Variants in CSMD1 observed in about 807,000 individuals in gnomAD.
CSMD1 encodes the protein CUB and Sushi multiple domains 1, also known as CUB and sushi domain-containing protein 1.
A neutral mutation model predicts 417.5 loss-of-function variants in CSMD1; 213 were observed. The observed-to-expected ratio is 0.51, with a 90% CI of 0.46 to 0.57. The LOEUF (loss-of-function observed/expected upper bound fraction) is 0.57, where lower values mean the gene tolerates loss of function less well. Among genes scored for constraint, CSMD1 ranks in the 20% least tolerant of loss-of-function variants. The pLI is 0.00. For synonymous variants in CSMD1, 2,862 were observed against 1,736.8 expected (o/e 1.65, Z -16.11); for missense variants, 6,923 against 4,529.7 (o/e 1.53, Z -15.17).
intron 37 of CSMD1, among the ~76,000 whole-genome samples, chr8:3,172,345 G>GT (rs201732475): frequency 1.3e-5 from 2 of 152,050 alleles, no homozygotes; most frequent in East Asian, 1.9e-4. Flanking sequence ...TTTCCTAAGT[G>GT]TTTTTATGGC....
At chr8:4,006,866 T>C (rs898590156) in intron 4 of CSMD1, among the ~76,000 whole-genome samples, 37 of 146,162 alleles carry the variant, frequency 2.5e-4, no homozygotes, top group African/African-American at 9.4e-4. Context: ...CTCACTCTGT[T>C]GCCCAGGCTG....
At chr8:4,157,480 C>T (rs563334035) in intron 3 of CSMD1, among the ~76,000 whole-genome samples, 1 of 152,274 alleles carries the variant, frequency 6.6e-6, no homozygotes, top group East Asian at 1.9e-4. Flanking sequence ...TTCCTTCCTT[C>T]CTTCTGACTA....
chr8:4,414,326 C>A (rs908064333), intron 3 of CSMD1, among the ~76,000 whole-genome samples: 5 of 152,110 alleles, frequency 3.3e-5, no homozygotes, highest in African/African-American at 1.2e-4. Flanking sequence ...TTCCTGAAAC[C>A]CGAAGAAAAG....
chr8:4,423,229 G>T (rs549320741), intron 2 of CSMD1, among the ~76,000 whole-genome samples: 2 of 151,958 alleles, frequency 1.3e-5, no homozygotes, highest in East Asian at 1.9e-4. Flanking sequence ...TACAAGAAAA[G>T]AAAATATATG....
intron 3 of CSMD1, among the ~76,000 whole-genome samples, chr8:4,132,014 T>C (rs2007357): frequency 6.6e-6 from 1 of 151,998 alleles, no homozygotes; most frequent in South Asian, 2.1e-4. Context: ...TCCCTGTGAC[T>C]ATTTCTATCA....
intron 5 of CSMD1, among the ~76,000 whole-genome samples, chr8:3,852,714 G>C (rs913179385): frequency 6.6e-6 from 1 of 151,950 alleles, no homozygotes. Context: ...TGTGAGGGAC[G>C]GGAGAGATGG....
At chr8:3,950,695 G>T (rs770620586) in intron 5 of CSMD1, among the ~76,000 whole-genome samples, 1 of 152,086 alleles carries the variant, frequency 6.6e-6, no homozygotes, top group African/African-American at 2.4e-5. Context: ...ATGCATTATG[G>T]AGCACAGGAT....
At chr8:4,552,949 C>T (rs1021251064) in intron 2 of CSMD1, among the ~76,000 whole-genome samples, 7 of 152,186 alleles carry the variant, frequency 4.6e-5, no homozygotes, top group African/African-American at 7.2e-5. Context: ...CCTTCCCTCC[C>T]GTCTCTTTCT....
At chr8:3,785,774 C>G (rs1245674218) in intron 5 of CSMD1, among the ~76,000 whole-genome samples, 1 of 152,030 alleles carries the variant, frequency 6.6e-6, no homozygotes, top group Non-Finnish European at 1.5e-5. Context: ...CCCCAGGAAC[C>G]TGGAAGAGTA....
At chr8:4,659,363 A>G (rs1415366565) in intron 1 of CSMD1, among the ~76,000 whole-genome samples, 1 of 152,194 alleles carries the variant, frequency 6.6e-6, no homozygotes, top group East Asian at 1.9e-4. Flanking sequence ...AATATTAAAA[A>G]GATTAGAGCA....
At chr8:4,242,115 C>G (rs1017444521) in intron 3 of CSMD1, among the ~76,000 whole-genome samples, 1 of 152,120 alleles carries the variant, frequency 6.6e-6, no homozygotes, top group Non-Finnish European at 1.5e-5. Flanking sequence ...TCTCAGAATG[C>G]TCTAAGAATT....
chr8:4,093,591 G>C (rs940826883), intron 3 of CSMD1, among the ~76,000 whole-genome samples: 2 of 152,050 alleles, frequency 1.3e-5, no homozygotes, highest in East Asian at 1.9e-4. Flanking sequence ...GCAGAATATC[G>C]GTATGCTTTT....
At chr8:3,912,340 A>G (rs1808516163) in intron 5 of CSMD1, among the ~76,000 whole-genome samples, 1 of 152,192 alleles carries the variant, frequency 6.6e-6, no homozygotes, top group African/African-American at 2.4e-5. Context: ...ATCTGGTTTC[A>G]GTCAAAACAT....
At chr8:3,769,813 T>C (rs575215740) in intron 5 of CSMD1, among the ~76,000 whole-genome samples, 15 of 152,334 alleles carry the variant, frequency 9.8e-5, no homozygotes, top group African/African-American at 3.6e-4. Flanking sequence ...TTACGATGCA[T>C]GTGTGTTGAA....
At chr8:3,255,473 C>T (rs1269184332) in intron 26 of CSMD1, among the ~76,000 whole-genome samples, 1 of 152,230 alleles carries the variant, frequency 6.6e-6, no homozygotes, top group African/African-American at 2.4e-5. Flanking sequence ...GAGGTGGAGC[C>T]TACAGAGGCA....
At chr8:4,400,022 A>C (rs1244805076) in intron 3 of CSMD1, among the ~76,000 whole-genome samples, 1 of 152,168 alleles carries the variant, frequency 6.6e-6, no homozygotes, top group Non-Finnish European at 1.5e-5. Flanking sequence ...CATCTAGTGG[A>C]GGTAGACAGA....
At chr8:4,022,187 T>A (rs1337538198) in intron 4 of CSMD1, among the ~76,000 whole-genome samples, 1 of 147,070 alleles carries the variant, frequency 6.8e-6, no homozygotes, top group Admixed American at 6.9e-5. Flanking sequence ...TTTATGTGTA[T>A]ATATATATAT....
intron 6 of CSMD1, among the ~76,000 whole-genome samples, chr8:3,745,472 G>C (rs764141627): frequency 3.9e-5 from 6 of 152,224 alleles, no homozygotes; most frequent in Admixed American, 1.3e-4. Context: ...ATCTGAGACA[G>C]TCTGAGGAAA....
At chr8:4,386,137 G>A (rs112938678) in intron 3 of CSMD1, among the ~76,000 whole-genome samples, 21 of 151,884 alleles carry the variant, frequency 1.4e-4, no homozygotes, top group Admixed American at 3.9e-4. Context: ...CAAACCTTCC[G>A]TCCCTGGTTA....
Sources: allele counts gnomAD v4.1 joint callset (sites outside exome capture counted in the v4.1 genomes callset), GRCh38; gene constraint gnomAD v4.1.1; transcripts MANE v1.5; gene names NCBI Gene and HGNC (gene_info 2026-07-23, HGNC 2026-07-21).